The following PTN variants were observed in gnomAD, a reference collection of about 807,000 sequenced individuals.
PTN encodes heparin affin regulatory protein.
In PTN, 18 loss-of-function variants were observed where a neutral mutation model predicts 24.1. The observed-to-expected ratio is 0.75, with a 90% CI of 0.52 to 1.11. The LOEUF (loss-of-function observed/expected upper bound fraction) is 1.11, where lower values mean the gene tolerates loss of function less well. PTN is among the 50% of genes least tolerant of loss of function. The pLI, the probability that PTN is intolerant of heterozygous loss-of-function variation, is 0.00. For missense variants in PTN, 163 were observed against 198.8 expected (o/e 0.82, Z 1.08); for synonymous variants, 78 against 68.6 (o/e 1.14, Z -0.67).
intron 1 of PTN, among the ~76,000 whole-genome samples, chr7:137,316,395 A>G (rs1810072881): frequency 6.6e-6 from 1 of 152,172 alleles, no homozygotes; most frequent in Non-Finnish European, 1.5e-5. Context: ...GGCATCGTCC[A>G]TATTCAGGGA....
chr7:137,333,327 C>A (rs1227341215), intron 1 of PTN, among the ~76,000 whole-genome samples: 1 of 152,168 alleles, frequency 6.6e-6, no homozygotes, highest in Non-Finnish European at 1.5e-5. Flanking sequence ...TACACAGAAC[C>A]CAGCCTCAGG....
intron 1 of PTN, chr7:137,287,772 A>C (rs1809579878): frequency 6.6e-6 from 1 of 152,190 alleles, no homozygotes; most frequent in African/African-American, 2.4e-5. Context: ...GTCAAGAAAG[A>C]ATAAAGAAAA....
Position 137,335,290 on chromosome 7 carries a change from G to A in PTN, c.-2+8149C>T, listed in dbSNP as rs183418598. 6.1e-3 allele frequency among the ~76,000 whole-genome samples: 924 copies of A among 151,990 alleles called. 9 individuals carry two copies. Among genetic ancestry groups the A allele is most frequent in the Non-Finnish European group, 9.9e-3 (672 of 67,964 alleles). On this transcript the variant is annotated intron_variant, in intron 1 of 4. Transcript: ENST00000348225. Reference sequence around the variant, plus strand: ...CATTTGGATCACTTACACCCTCTCCGAGAAAGACCCCAGCAGAAGCACTGG... The same window carrying A: ...CATTTGGATCACTTACACCCTCTCCAAGAAAGACCCCAGCAGAAGCACTGG...
chr7:137,240,411 T>A (rs1050111129), intron 4 of PTN, among the ~76,000 whole-genome samples: 1 of 152,238 alleles, frequency 6.6e-6, no homozygotes, highest in Non-Finnish European at 1.5e-5. Flanking sequence ...TGTGGTACAC[T>A]GGAATTTATC....
intron 1 of PTN, among the ~76,000 whole-genome samples, chr7:137,299,910 T>C (rs1293740254): frequency 6.6e-6 from 1 of 151,930 alleles, no homozygotes; most frequent in Non-Finnish European, 1.5e-5. Context: ...ACCCAAATCC[T>C]CATACATGCC....
chr7:137,252,956 T>C (rs896234910), intron 3 of PTN, among the ~76,000 whole-genome samples: 8 of 151,770 alleles, frequency 5.3e-5, no homozygotes, highest in Non-Finnish European at 1.2e-4. Context: ...AGGGATCAAA[T>C]GGGAGAGAAG....
At chr7:137,277,920 T>C (rs917389376) in intron 1 of PTN, among the ~76,000 whole-genome samples, 2 of 148,380 alleles carry the variant, frequency 1.3e-5, no homozygotes, top group African/African-American at 2.6e-5. Context: ...GATAGATAGA[T>C]AGATAGATAG....
At chr7:137,267,642 C>T (rs181320069) in intron 1 of PTN, among the ~76,000 whole-genome samples, 10 of 152,214 alleles carry the variant, frequency 6.6e-5, no homozygotes, top group Admixed American at 5.2e-4. Context: ...AACATAGTTC[C>T]TAGTGGGGTG....
chr7:137,261,417 C>T (rs185054044), intron 1 of PTN, among the ~76,000 whole-genome samples: 1 of 152,020 alleles, frequency 6.6e-6, no homozygotes, highest in Non-Finnish European at 1.5e-5. Flanking sequence ...ATATTAAACC[C>T]ACCAATTATG....
intron 1 of PTN, chr7:137,318,458 T>G (rs531326722): frequency 1.3e-5 from 2 of 152,238 alleles, no homozygotes; most frequent in Non-Finnish European, 2.9e-5. Flanking sequence ...TTTTATCATC[T>G]GTGGCTCCAC....
chr7:137,317,001 G>A (rs900300399), intron 1 of PTN, among the ~76,000 whole-genome samples: 3 of 152,184 alleles, frequency 2.0e-5, no homozygotes, highest in Non-Finnish European at 4.4e-5. Context: ...TCCATTGGAG[G>A]TGGGGTTCTC....
At chr7:137,305,079 C>T (rs140647513) in intron 1 of PTN, among the ~76,000 whole-genome samples, 22 of 152,130 alleles carry the variant, frequency 1.4e-4, no homozygotes, top group African/African-American at 3.9e-4. Flanking sequence ...AATGTCCTCA[C>T]GTTCAACCGA....
At chr7:137,277,630 C>T (rs1418287682) in intron 1 of PTN, among the ~76,000 whole-genome samples, 1 of 152,084 alleles carries the variant, frequency 6.6e-6, no homozygotes, top group Non-Finnish European at 1.5e-5. Context: ...AGTGCAGTGG[C>T]GTGATCATGG....
intron 4 of PTN, among the ~76,000 whole-genome samples, chr7:137,245,770 C>G (rs1429358054): frequency 2.0e-5 from 3 of 152,004 alleles, no homozygotes; most frequent in African/African-American, 7.3e-5. Context: ...ATGAACCTGA[C>G]CCTGTGTAGA....
At chr7:137,248,441 T>C (rs1033895037) in intron 4 of PTN, among the ~76,000 whole-genome samples, 10 of 152,154 alleles carry the variant, frequency 6.6e-5, no homozygotes, top group African/African-American at 2.4e-4. Flanking sequence ...ATCCCAGCAC[T>C]TTGGGAGGCC....
chr7:137,296,647 A>G (rs1169440880), intron 1 of PTN, among the ~76,000 whole-genome samples: 1 of 151,958 alleles, frequency 6.6e-6, no homozygotes, highest in African/African-American at 2.4e-5. Flanking sequence ...CTGTGGTGGC[A>G]GGGGGTGGAG....
Position 137,254,877 on chromosome 7 carries a change from C to G in PTN, c.97G>C (p.Gly33Arg). The G allele has an allele frequency of 6.4e-7, 1 of 1,561,330 alleles. No individual in the cohort carries two copies. Among genetic ancestry groups the G allele is most frequent in the Non-Finnish European group, 8.8e-7 (1 of 1,141,580 alleles). The change falls in exon 2 of 5, where the codon GGG (glycine) becomes CGG (arginine). Residue 33 changes from glycine (G) to arginine (R), a missense_variant. Transcript: ENST00000348225. ...ILAAVDTAEA[G>R]KKEKPEKKVK... The stretch of plus-strand genomic sequence containing the variant: ...TGCTTACCTGGTTTCTCTTTCTTCC[C>G]TGCTTCAGCAGTATCCACAGCTGCC...
intron 1 of PTN, among the ~76,000 whole-genome samples, chr7:137,279,889 T>A (rs1422763739): frequency 6.6e-6 from 1 of 152,204 alleles, no homozygotes; most frequent in Admixed American, 6.5e-5. Flanking sequence ...GGTCAAACAT[T>A]ACAGACTTAA....
chr7:137,250,193 CT>C (rs1246567707), intron 4 of PTN, among the ~76,000 whole-genome samples: 1 of 152,076 alleles, frequency 6.6e-6, no homozygotes, highest in African/African-American at 2.4e-5. Context: ...GCTATAGCTC[CT>C]ATAACAAAGT....
Sources: allele counts gnomAD v4.1 joint callset (sites outside exome capture counted in the v4.1 genomes callset), GRCh38; gene constraint gnomAD v4.1.1; transcripts MANE v1.5; gene names NCBI Gene and HGNC (gene_info 2026-07-23, HGNC 2026-07-21).